The following NTRK3 variants were observed in gnomAD, a reference collection of about 807,000 sequenced individuals.
NTRK3 encodes the protein neurotrophic receptor tyrosine kinase 3.
In NTRK3, 24 loss-of-function variants were observed where a neutral mutation model predicts 91.7. The observed-to-expected ratio is 0.26, with a 90% CI of 0.19 to 0.37. The LOEUF (loss-of-function observed/expected upper bound fraction) is 0.37. Ranked by LOEUF, NTRK3 falls within the 10% of genes least tolerant of loss-of-function variation. The probability of loss-of-function intolerance (pLI) is 1.00; values close to 1 mark genes in which losing one functional copy is unlikely to be tolerated. For missense variants in NTRK3, 880 were observed against 1,068.9 expected (o/e 0.82, Z 2.46); for synonymous variants, 483 against 404.0 (o/e 1.20, Z -2.34).
chr15:87,873,380 T>C (rs973570711), exon 19 of NTRK3: 5 of 229,556 alleles, frequency 2.2e-5, no homozygotes, highest in Non-Finnish European at 4.3e-5. Flanking sequence ...AGAGTTAGGT[T>C]CACATCCAAA....
At chr15:87,981,234 C>T (rs2141369988) in intron 14 of NTRK3, 1 of 1,586,730 alleles carries the variant, frequency 6.3e-7, no homozygotes, top group African/African-American at 1.3e-5. Context: ...ACCATGTGAC[C>T]TTGGGTAAGA....
chr15:88,081,320 G>T (rs896280233), intron 13 of NTRK3, among the ~76,000 whole-genome samples: 5 of 152,114 alleles, frequency 3.3e-5, no homozygotes, highest in Admixed American at 2.0e-4. Context: ...CACACCTGCT[G>T]GACAACCAGG....
At chr15:88,098,660 A>G (rs2049875684) in intron 13 of NTRK3, 1 of 231,536 alleles carries the variant, frequency 4.3e-6, no homozygotes, top group African/African-American at 2.2e-5. Context: ...TTTATTAACA[A>G]TCTGGAAGAA....
chr15:87,932,217 T>G (rs2068862867), intron 16 of NTRK3, among the ~76,000 whole-genome samples: 1 of 152,230 alleles, frequency 6.6e-6, no homozygotes, highest in Admixed American at 6.5e-5. Flanking sequence ...GATGGTCTTG[T>G]TCTAGGCTCG....
At chr15:87,915,171 C>G (rs1017201842) in intron 17 of NTRK3, among the ~76,000 whole-genome samples, 3 of 152,152 alleles carry the variant, frequency 2.0e-5, no homozygotes, top group Admixed American at 2.0e-4. Flanking sequence ...AGAACTTGCA[C>G]ATCCATTATG....
chr15:88,049,184 G>A (rs2080556830), intron 13 of NTRK3, among the ~76,000 whole-genome samples: 1 of 152,164 alleles, frequency 6.6e-6, no homozygotes, highest in African/African-American at 2.4e-5. Context: ...CTGCTCAAAT[G>A]GACCGCATGC....
At chr15:87,985,181 C>T (rs966614320) in intron 14 of NTRK3, among the ~76,000 whole-genome samples, 3 of 152,178 alleles carry the variant, frequency 2.0e-5, no homozygotes, top group African/African-American at 7.2e-5. Flanking sequence ...GTAAGGGAAG[C>T]AAGCATGGTC....
At chr15:87,866,807 C>CT (rs200856657) in exon 19 of NTRK3, 20 of 197,304 alleles carry the variant, frequency 1.0e-4, no homozygotes, top group African/African-American at 3.7e-4. Flanking sequence ...TTGAAAAAGG[C>CT]TTTTTTTTCC....
intron 17 of NTRK3, among the ~76,000 whole-genome samples, chr15:87,906,035 G>T (rs2066745338): frequency 6.6e-6 from 1 of 152,128 alleles, no homozygotes; most frequent in Non-Finnish European, 1.5e-5. Flanking sequence ...GGACATTCGG[G>T]TCACCCAGTG....
intron 14 of NTRK3, among the ~76,000 whole-genome samples, chr15:87,944,898 G>A (rs143177274): frequency 1.3e-5 from 2 of 152,336 alleles, no homozygotes; most frequent in African/African-American, 4.8e-5. Context: ...TTGGGTCCCT[G>A]CTTCTGCATG....
At chr15:87,894,514 T>G (rs2066011815) in intron 17 of NTRK3, among the ~76,000 whole-genome samples, 2 of 152,128 alleles carry the variant, frequency 1.3e-5, no homozygotes, top group South Asian at 2.1e-4. Context: ...TCCCTGATGG[T>G]ATGGGGTTGG....
intron 14 of NTRK3, among the ~76,000 whole-genome samples, chr15:87,954,866 C>T (rs540430328): frequency 5.9e-5 from 9 of 152,298 alleles, no homozygotes; most frequent in South Asian, 2.1e-4. Flanking sequence ...ACAGCCACAG[C>T]GTCTGTCTTT....
intron 14 of NTRK3, among the ~76,000 whole-genome samples, chr15:87,968,643 A>G (rs2072993510): frequency 6.6e-6 from 1 of 152,198 alleles, no homozygotes; most frequent in East Asian, 1.9e-4. Flanking sequence ...TTGCAGTTTG[A>G]CTAACCTCAC....
intron 5 of NTRK3, among the ~76,000 whole-genome samples, chr15:88,156,302 T>A (rs1032767908): frequency 3.3e-5 from 5 of 152,182 alleles, no homozygotes; most frequent in African/African-American, 1.2e-4. Flanking sequence ...AGAAGGACCG[T>A]GGCACATGGG....
At chr15:88,208,897 A>G (rs2049009857) in intron 3 of NTRK3, among the ~76,000 whole-genome samples, 1 of 48,692 alleles carries the variant, frequency 2.1e-5, no homozygotes, top group African/African-American at 6.9e-5. Flanking sequence ...ATCAAGTTAG[A>G]GGGCCAACGA....
At chr15:87,933,414 G>C (rs777490139) in intron 15 of NTRK3, among the ~76,000 whole-genome samples, 1 of 152,168 alleles carries the variant, frequency 6.6e-6, no homozygotes, top group Admixed American at 6.5e-5. Flanking sequence ...TCCACATCCC[G>C]TGCACTCTCC....
At chr15:88,134,516 C>T (rs1211623929) in intron 10 of NTRK3, among the ~76,000 whole-genome samples, 1 of 152,144 alleles carries the variant, frequency 6.6e-6, no homozygotes, top group African/African-American at 2.4e-5. Context: ...AGCCACAGAC[C>T]TGGGGGCCTA....
At chr15:87,974,297 A>C (rs1348823931) in intron 14 of NTRK3, among the ~76,000 whole-genome samples, 1 of 152,164 alleles carries the variant, frequency 6.6e-6, no homozygotes, top group Non-Finnish European at 1.5e-5. Flanking sequence ...TGACTTCCAA[A>C]TTGAGCCTGA....
At chr15:87,921,881 T>C (rs1567110325) in intron 17 of NTRK3, among the ~76,000 whole-genome samples, 2 of 143,188 alleles carry the variant, frequency 1.4e-5, no homozygotes, top group Non-Finnish European at 3.1e-5. Flanking sequence ...GACTTGGTAT[T>C]AAAAAAAAAA....
Sources: allele counts gnomAD v4.1 joint callset (sites outside exome capture counted in the v4.1 genomes callset), GRCh38; gene constraint gnomAD v4.1.1; transcripts MANE v1.5; gene names NCBI Gene and HGNC (gene_info 2026-07-23, HGNC 2026-07-21).